Variants in SIPA1L3 observed in about 807,000 individuals in gnomAD.
SIPA1L3 encodes signal induced proliferation associated 1 like 3.
SIPA1L3 carries 59 observed loss-of-function variants against 150.1 expected under a neutral mutation model. The observed-to-expected ratio is 0.39, with a 90% CI of 0.32 to 0.49. The LOEUF (loss-of-function observed/expected upper bound fraction) is 0.49, where lower values mean the gene tolerates loss of function less well. Ranked by LOEUF, SIPA1L3 falls within the 20% of genes least tolerant of loss-of-function variation. The pLI is 0.86. For synonymous variants in SIPA1L3, 1,070 were observed against 1,077.6 expected (o/e 0.99, Z 0.14); for missense variants, 2,211 against 2,489.5 (o/e 0.89, Z 2.38).
intron 1 of SIPA1L3, among the ~76,000 whole-genome samples, chr19:37,989,328 T>TC (rs1599873076): frequency 1.3e-5 from 2 of 152,108 alleles, no homozygotes; most frequent in East Asian, 3.9e-4. Flanking sequence ...CAAACCATCC[T>TC]CCCACCTCAG....
At chr19:38,191,506 T>C (rs1972803113) in intron 16 of SIPA1L3, among the ~76,000 whole-genome samples, 1 of 150,100 alleles carries the variant, frequency 6.7e-6, no homozygotes, top group African/African-American at 2.5e-5. Flanking sequence ...TTCTGCTGGG[T>C]AGACTGACAA....
At chr19:38,013,469 G>T (rs1248906482) in intron 1 of SIPA1L3, among the ~76,000 whole-genome samples, 1 of 152,126 alleles carries the variant, frequency 6.6e-6, no homozygotes, top group African/African-American at 2.4e-5. Flanking sequence ...TACAAAGAAG[G>T]TATACAATAG....
At chr19:37,940,683 C>T (rs1430707258) in intron 1 of SIPA1L3, among the ~76,000 whole-genome samples, 3 of 152,042 alleles carry the variant, frequency 2.0e-5, no homozygotes, top group South Asian at 2.1e-4. Context: ...CGAGTTCAGG[C>T]GATTCTCCAC....
At chr19:38,101,435 G>A (rs897790829) in intron 6 of SIPA1L3, among the ~76,000 whole-genome samples, 2 of 152,178 alleles carry the variant, frequency 1.3e-5, no homozygotes, top group Admixed American at 6.5e-5. Flanking sequence ...TTGAGACAGA[G>A]TCTCACTCTG....
At chr19:38,065,873 C>T (rs570888823) in intron 2 of SIPA1L3, among the ~76,000 whole-genome samples, 3 of 119,626 alleles carry the variant, frequency 2.5e-5, no homozygotes, top group Admixed American at 8.1e-5. Flanking sequence ...TTTGAGGCAA[C>T]GTCTTGCTCT....
At chr19:38,078,528 G>A (rs974806897) in intron 2 of SIPA1L3, among the ~76,000 whole-genome samples, 8 of 127,824 alleles carry the variant, frequency 6.3e-5, no homozygotes, top group Admixed American at 2.3e-4. Flanking sequence ...ACACACAGAC[G>A]CACACAGACA....
At chr19:38,032,853 A>AC (rs1491558138) in intron 2 of SIPA1L3, among the ~76,000 whole-genome samples, 1 of 5,520 alleles carries the variant, frequency 1.8e-4, no homozygotes, top group Non-Finnish European at 3.4e-4. Context: ...ACTCGGTCTC[A>AC]AAAAAAAAAA....
chr19:37,949,691 T>C (rs1011372557), intron 1 of SIPA1L3, among the ~76,000 whole-genome samples: 4 of 150,242 alleles, frequency 2.7e-5, no homozygotes, highest in African/African-American at 9.8e-5. Context: ...GAGAGGGGAC[T>C]CTAGGAAGCC....
chr19:37,922,944 C>T (rs1392155476), intron 1 of SIPA1L3, among the ~76,000 whole-genome samples: 11 of 148,696 alleles, frequency 7.4e-5, no homozygotes, highest in Admixed American at 4.7e-4. Flanking sequence ...CTGGCTAATA[C>T]GGTGAAACCC....
chr19:37,971,684 C>A (rs904997470), intron 1 of SIPA1L3, among the ~76,000 whole-genome samples: 3 of 152,204 alleles, frequency 2.0e-5, no homozygotes, highest in Non-Finnish European at 4.4e-5. Context: ...CCTGCCTTAG[C>A]CTCCTGAGTA....
intron 16 of SIPA1L3, chr19:38,186,356 A>C (rs1482584675): frequency 6.6e-6 from 1 of 151,968 alleles, no homozygotes; most frequent in Non-Finnish European, 1.5e-5. Flanking sequence ...TCTGTTGCCC[A>C]GGTTGGAGTG....
chr19:37,969,856 T>C (rs1229976652), intron 1 of SIPA1L3, among the ~76,000 whole-genome samples: 1 of 152,192 alleles, frequency 6.6e-6, no homozygotes, highest in Non-Finnish European at 1.5e-5. Context: ...GGCCGCTTGT[T>C]ATTCCTGCTT....
chr19:38,158,959 G>A (rs1034848412), intron 13 of SIPA1L3, among the ~76,000 whole-genome samples: 3 of 152,340 alleles, frequency 2.0e-5, no homozygotes, highest in Middle Eastern at 3.4e-3. Context: ...GGAGTTGTCC[G>A]TTGTCTGTGG....
At position 38,201,907 on chromosome 19, in the gene SIPA1L3, G is replaced by A. The variant is rs781379800; in HGVS notation, c.5030G>A (p.Ser1677Asn). The change falls in exon 20 of 22, where the codon AGC becomes AAC. Residue 1677 changes from serine (S) to asparagine (N), a missense_variant. Coordinates refer to ENST00000222345, the MANE Select transcript of SIPA1L3 (RefSeq NM_015073.3). ...SLFSLNDPAL[S>N]PDIPPAHSPV... is the part of the protein sequence containing the mutation. Reference sequence around the variant, plus strand: ...TTCTCTCTGAACGACCCGGCCCTGAGCCCGGACATCCCGCCTGCACACAGT... The same window carrying A: ...TTCTCTCTGAACGACCCGGCCCTGAACCCGGACATCCCGCCTGCACACAGT... The A allele has an allele frequency of 2.9e-5, 46 of 1,613,758 alleles. No homozygotes were observed. The highest frequency in any genetic ancestry group is 3.6e-5 in the Non-Finnish European group (43 of 1,179,936).
At chr19:38,011,112 G>T (rs1478695620) in intron 1 of SIPA1L3, among the ~76,000 whole-genome samples, 1 of 152,114 alleles carries the variant, frequency 6.6e-6, no homozygotes, top group African/African-American at 2.4e-5. Flanking sequence ...AACAGTCTAG[G>T]TATCCATTGT....
chr19:38,093,023 C>G (rs943218072), intron 4 of SIPA1L3, among the ~76,000 whole-genome samples: 3 of 151,916 alleles, frequency 2.0e-5, no homozygotes, highest in Non-Finnish European at 4.4e-5. Flanking sequence ...CCACACCCTG[C>G]TAATTTTTTG....
intron 1 of SIPA1L3, among the ~76,000 whole-genome samples, chr19:38,016,732 A>C (rs933604815): frequency 4.0e-5 from 6 of 151,484 alleles, no homozygotes; most frequent in Non-Finnish European, 8.8e-5. Context: ...ACCTCAAGTG[A>C]TCCTCCTGCC....
intron 21 of SIPA1L3, among the ~76,000 whole-genome samples, chr19:38,205,069 A>G (rs1034654433): frequency 6.6e-6 from 1 of 152,224 alleles, no homozygotes; most frequent in Admixed American, 6.5e-5. Context: ...TGTCTAGAAT[A>G]TCACCATACT....
In SIPA1L3 at chr19:38,201,952, G is replaced by T; in HGVS notation, c.5075G>T (p.Ser1692Ile). 1 of 1,613,774 alleles carries T rather than the reference G, an allele frequency of 6.2e-7. No individual in the cohort carries two copies. The highest frequency in any genetic ancestry group is 8.5e-7 in the Non-Finnish European group (1 of 1,179,894). The stretch of plus-strand genomic sequence containing the variant: ...CACAGTCCTGTCCACAGCCACCTGA[G>T]CCTGGAGAGGGGACCCCCGACCCCC... Reference protein sequence around the residue: ...PAHSPVHSHLSLERGPPTPRT... With the variant: ...PAHSPVHSHLILERGPPTPRT... Residue 1692 changes from serine (S) to isoleucine (I), a missense_variant, in exon 20 of 22, where the codon AGC becomes ATC. Transcript: ENST00000222345.
Sources: allele counts gnomAD v4.1 joint callset (sites outside exome capture counted in the v4.1 genomes callset), GRCh38; gene constraint gnomAD v4.1.1; transcripts MANE v1.5; gene names NCBI Gene and HGNC (gene_info 2026-07-23, HGNC 2026-07-21).